PCLO: variants seen among roughly 807,000 people sequenced by gnomAD.
The protein encoded by PCLO is piccolo presynaptic cytomatrix protein.
In PCLO, 82 loss-of-function variants were observed where a neutral mutation model predicts 427.5. The ratio of observed to expected loss-of-function variants is 0.19; its 90% CI spans 0.16 to 0.23. The LOEUF is 0.23. PCLO is among the 10% of genes least tolerant of loss of function. PCLO has a pLI of 1.00. For synonymous variants in PCLO, 2,357 were observed against 2,155.4 expected (o/e 1.09, Z -2.59); for missense variants, 6,239 against 6,115.9 (o/e 1.02, Z -0.67).
chr7:82,915,609 T>A lies in PCLO; in HGVS notation c.12377A>T (p.His4126Leu), dbSNP rs778643722. ...EDPYELKLLK[H>L]QIKQEFRRGT... ...TCTACGAAATTCCTGTTTAATCTGA[T>A]GTTTCAGAAGCTTTAACTCGTAAGG... The change falls in exon 7 of 25, where the codon CAT becomes CTT. Residue 4126 changes from histidine (H) to leucine (L), a missense_variant. Physicochemically the swap from His to Leu is moderately conservative, Grantham distance 99 (BLOSUM62 -3). Coordinates refer to ENST00000333891, the MANE Select transcript of PCLO (RefSeq NM_033026.6). 8 of 1,613,444 alleles carry A rather than the reference T, an allele frequency of 5.0e-6. No homozygotes were observed. The highest frequency in any genetic ancestry group is 6.8e-6 in the Non-Finnish European group (8 of 1,179,684).
chr7:83,037,031 T>C (rs1340357042), intron 3 of PCLO, among the ~76,000 whole-genome samples: 1 of 152,136 alleles, frequency 6.6e-6, no homozygotes, highest in Non-Finnish European at 1.5e-5. Flanking sequence ...TCCACCAGTG[T>C]TGAACAAAGG....
intron 3 of PCLO, among the ~76,000 whole-genome samples, chr7:82,980,818 G>A (rs1051681300): frequency 2.0e-5 from 3 of 152,146 alleles, no homozygotes; most frequent in Admixed American, 6.6e-5. Context: ...TTTACAAATA[G>A]AGGAGGAACA....
chr7:82,918,271 T>C (rs79217970), intron 6 of PCLO, among the ~76,000 whole-genome samples: 1,905 of 152,110 alleles, frequency 0.013, 43 homozygotes, highest in African/African-American at 0.043. Context: ...CTTTTCATTT[T>C]ATAAAATACT....
chr7:82,850,016 A>C (rs576734572), intron 10 of PCLO, among the ~76,000 whole-genome samples: 2,572 of 132,466 alleles, frequency 0.019, 81 homozygotes, highest in African/African-American at 0.063. Flanking sequence ...ATTATTATTT[A>C]TTTATTTTTT....
intron 3 of PCLO, among the ~76,000 whole-genome samples, chr7:83,053,306 A>G (rs1286209181): frequency 6.6e-6 from 1 of 151,732 alleles, no homozygotes. Context: ...CTTCTGTACC[A>G]CTCCAGCTAA....
At position 82,915,969 on chromosome 7, in the gene PCLO, T is replaced by C. The variant is rs775130056; in HGVS notation, c.12017A>G (p.Tyr4006Cys). ...ACCTATTCTCAAGTCTAAACTATTG[T>C]ACTTACTACCAAGATGGGAAACAGC... ...TFAVSHLGSK[Y>C]NSLDLRIGLE... The change falls in exon 7 of 25, where the codon TAC becomes TGC. Residue 4006 changes from tyrosine (Y) to cysteine (C), a missense_variant. This residue lies in a region of PCLO where 680 missense variants were observed against 677.3 expected (regional missense o/e 1.00). Coordinates refer to ENST00000333891, the MANE Select transcript of PCLO (RefSeq NM_033026.6). The C allele has an allele frequency of 6.2e-7, 1 of 1,612,996 alleles. No homozygotes were observed. The highest frequency in any genetic ancestry group is 1.1e-5 in the South Asian group (1 of 91,084).
At chr7:83,054,948 A>G (rs1441394495) in intron 3 of PCLO, among the ~76,000 whole-genome samples, 3 of 152,050 alleles carry the variant, frequency 2.0e-5, no homozygotes, top group South Asian at 2.1e-4. Context: ...CCATTCCACA[A>G]CTGATTTTAA....
At chr7:83,099,434 GC>G (rs1008889720) in intron 3 of PCLO, among the ~76,000 whole-genome samples, 2 of 150,626 alleles carry the variant, frequency 1.3e-5, no homozygotes, top group Admixed American at 6.6e-5. Flanking sequence ...TGTTGCCCAG[GC>G]TGGAGTGCAG....
chr7:82,803,113 TTCA>T (rs1368066199), intron 21 of PCLO, among the ~76,000 whole-genome samples: 3 of 152,044 alleles, frequency 2.0e-5, no homozygotes. Flanking sequence ...ATGTAATTGC[TTCA>T]TCAAGATTCA....
intron 9 of PCLO, among the ~76,000 whole-genome samples, chr7:82,895,633 G>T (rs750328569): frequency 6.6e-6 from 1 of 151,750 alleles, no homozygotes; most frequent in Non-Finnish European, 1.5e-5. Flanking sequence ...ATAATAAAGG[G>T]CTTCACTGTG....
rs766423324 is a variant in PCLO at position 82,915,585 on chromosome 7, C to G, written c.12401G>C (p.Arg4134Thr). 6.2e-7 allele frequency: 1 copy of G among 1,613,546 alleles called. No individual in the cohort carries two copies. The highest frequency in any genetic ancestry group is 8.5e-7 in the Non-Finnish European group (1 of 1,179,686). ...AAGGTGATCTAAGCTCTCTGTCCCT[C>G]TACGAAATTCCTGTTTAATCTGATG... Reference protein sequence around the residue: ...LKHQIKQEFRRGTESLDHLAG... With the variant: ...LKHQIKQEFRTGTESLDHLAG... Residue 4134 changes from arginine (R) to threonine (T), a missense_variant, in exon 7 of 25, where the codon AGA becomes ACA. Physicochemically the swap from Arg to Thr is moderately conservative, Grantham distance 71. This residue lies in a region of PCLO where 680 missense variants were observed against 677.3 expected (regional missense o/e 1.00). Transcript: ENST00000333891.
At chr7:83,055,068 T>C (rs1039762830) in intron 3 of PCLO, among the ~76,000 whole-genome samples, 25 of 152,226 alleles carry the variant, frequency 1.6e-4, no homozygotes, top group African/African-American at 5.8e-4. Context: ...ATTTGTAAAT[T>C]ACTGCACTGT....
At chr7:82,969,159 C>T (rs1232270572) in intron 3 of PCLO, among the ~76,000 whole-genome samples, 1 of 152,032 alleles carries the variant, frequency 6.6e-6, no homozygotes, top group African/African-American at 2.4e-5. Context: ...GAAAATAAAA[C>T]ATAGCAATAA....
chr7:82,980,081 T>G (rs962644091), intron 3 of PCLO, among the ~76,000 whole-genome samples: 2 of 150,170 alleles, frequency 1.3e-5, no homozygotes, highest in African/African-American at 2.5e-5. Flanking sequence ...CATAGTCCAT[T>G]CTGTTTGCCT....
chr7:83,138,914 G>T lies in PCLO; in HGVS notation c.1894-3258C>A, dbSNP rs141222532. Among the ~76,000 whole-genome samples, 124 of 151,826 alleles carry T rather than the reference G, an allele frequency of 8.2e-4. 1 individual carries two copies. The highest frequency in any genetic ancestry group is 2.7e-3 in the African/African-American group (112 of 41,376). On this transcript the variant is annotated intron_variant, in intron 2 of 24. Coordinates refer to ENST00000333891, the MANE Select transcript of PCLO (RefSeq NM_033026.6). ...TGGGTGCAGCAAACCACCATGGCAC[G>T]TGTATATCTATGTAACACACCTGCA...
At chr7:82,859,927 T>C (rs895640553) in intron 10 of PCLO, among the ~76,000 whole-genome samples, 2 of 151,968 alleles carry the variant, frequency 1.3e-5, no homozygotes, top group East Asian at 1.9e-4. Flanking sequence ...ATGCAATAGA[T>C]GCAACTGAAT....
At chr7:83,052,179 A>G (rs1308129742) in intron 3 of PCLO, among the ~76,000 whole-genome samples, 1 of 152,052 alleles carries the variant, frequency 6.6e-6, no homozygotes, top group Non-Finnish European at 1.5e-5. Context: ...AAAAAAATTC[A>G]TCAATATTAG....
At chr7:82,897,966 G>T (rs921370726) in intron 9 of PCLO, among the ~76,000 whole-genome samples, 1 of 150,820 alleles carries the variant, frequency 6.6e-6, no homozygotes, top group South Asian at 2.1e-4. Flanking sequence ...AATTAAAATT[G>T]GGAATTAAAA....
intron 10 of PCLO, among the ~76,000 whole-genome samples, chr7:82,878,757 T>C (rs960059640): frequency 2.0e-5 from 3 of 152,176 alleles, no homozygotes; most frequent in Non-Finnish European, 4.4e-5. Context: ...ATGTTTTCTG[T>C]AAAGGGCCAG....
Sources: allele counts gnomAD v4.1 joint callset (sites outside exome capture counted in the v4.1 genomes callset), GRCh38; gene constraint gnomAD v4.1.1; regional missense constraint gnomAD v4.1.1; transcripts MANE v1.5; gene names NCBI Gene and HGNC (gene_info 2026-07-23, HGNC 2026-07-21).